The following CADPS2 variants were observed in gnomAD, a reference collection of about 807,000 sequenced individuals.
CADPS2 encodes calcium-dependent secretion activator 2.
CADPS2 carries 93 observed loss-of-function variants against 172.5 expected under a neutral mutation model. The ratio of observed to expected loss-of-function variants is 0.54; its 90% CI spans 0.46 to 0.64. The LOEUF (loss-of-function observed/expected upper bound fraction) is 0.64. Among genes scored for constraint, CADPS2 ranks in the 30% least tolerant of loss-of-function variants. The pLI is 0.00. For synonymous variants in CADPS2, 546 were observed against 555.2 expected (o/e 0.98, Z 0.23); for missense variants, 1,420 against 1,565.9 (o/e 0.91, Z 1.57).
chr7:122,386,308 A>C, intron 24 of CADPS2: 9 of 1,443,214 alleles, frequency 6.2e-6, no homozygotes, highest in Non-Finnish European at 8.3e-6. Context: ...TTGACTACCA[A>C]ACTGGATCAT....
chr7:122,866,843 C>T (rs971872928), intron 1 of CADPS2, among the ~76,000 whole-genome samples: 2 of 152,162 alleles, frequency 1.3e-5, no homozygotes, highest in African/African-American at 4.8e-5. Context: ...TCCCAGCACA[C>T]CTAAATTCCG....
chr7:122,795,384 T>C (rs1371653093), intron 1 of CADPS2, among the ~76,000 whole-genome samples: 2 of 152,138 alleles, frequency 1.3e-5, no homozygotes, highest in East Asian at 1.9e-4. Flanking sequence ...CCTGGACACA[T>C]ACACCCTCCC....
intron 8 of CADPS2, among the ~76,000 whole-genome samples, chr7:122,552,685 T>G (rs1404300080): frequency 1.3e-5 from 2 of 151,908 alleles, no homozygotes; most frequent in African/African-American, 2.4e-5. Context: ...TCTTTGTTCT[T>G]GAGACAAGCT....
chr7:122,425,789 C>T (rs61588302), intron 17 of CADPS2, among the ~76,000 whole-genome samples: 6,624 of 152,192 alleles, frequency 0.044, 341 homozygotes, highest in African/African-American at 0.12. Context: ...TACTGAATCA[C>T]ATAAAGTCTA....
chr7:122,776,614 G>A (rs989921380), intron 1 of CADPS2, among the ~76,000 whole-genome samples: 7 of 151,994 alleles, frequency 4.6e-5, no homozygotes, highest in African/African-American at 1.4e-4. Flanking sequence ...ACAGGAAAAT[G>A]TGGGAAAGTT....
At chr7:122,593,211 T>A (rs528403087) in intron 6 of CADPS2, among the ~76,000 whole-genome samples, 2 of 151,954 alleles carry the variant, frequency 1.3e-5, no homozygotes, top group Admixed American at 6.6e-5. Flanking sequence ...ACAAAAAAAA[T>A]TCTGCATGGC....
chr7:122,533,574 C>T (rs1351464425), intron 8 of CADPS2, among the ~76,000 whole-genome samples: 5 of 152,114 alleles, frequency 3.3e-5, no homozygotes, highest in Non-Finnish European at 5.9e-5. Context: ...AATGCATTTA[C>T]CTCTTTGTGT....
At chr7:122,622,778 G>A (rs1031823146) in intron 4 of CADPS2, among the ~76,000 whole-genome samples, 3 of 152,180 alleles carry the variant, frequency 2.0e-5, no homozygotes, top group Non-Finnish European at 4.4e-5. Flanking sequence ...GAATGCTCCA[G>A]AAAAGCACTG....
intron 7 of CADPS2, among the ~76,000 whole-genome samples, chr7:122,578,160 TACAC>T (rs1418367882): frequency 6.6e-6 from 1 of 151,582 alleles, no homozygotes; most frequent in Non-Finnish European, 1.5e-5. Context: ...TGTGTATATA[TACAC>T]ACATACATTA....
chr7:122,515,192 C>T (rs74835685), intron 8 of CADPS2, among the ~76,000 whole-genome samples: 2,640 of 152,202 alleles, frequency 0.017, 70 homozygotes, highest in African/African-American at 0.06. Context: ...TTTATGATAC[C>T]GTTAATTCAT....
intron 1 of CADPS2, among the ~76,000 whole-genome samples, chr7:122,876,365 TTTA>T (rs1443045531): frequency 3.3e-5 from 5 of 152,146 alleles, no homozygotes; most frequent in Non-Finnish European, 7.4e-5. Context: ...TAATTTTATA[TTTA>T]TTTTTTCTTT....
intron 12 of CADPS2, among the ~76,000 whole-genome samples, chr7:122,477,052 A>AAGAGAGAGAGAG (rs541881529): frequency 7.7e-5 from 2 of 26,008 alleles, no homozygotes; most frequent in African/African-American, 1.5e-4. Flanking sequence ...GGAGAGAGAG[A>AAGAGAGAGAGAG]AGAGAGAGAG....
chr7:122,565,348 T>C (rs764713268), intron 7 of CADPS2, among the ~76,000 whole-genome samples: 2 of 152,164 alleles, frequency 1.3e-5, no homozygotes, highest in African/African-American at 2.4e-5. Flanking sequence ...ATCTCTGCGA[T>C]ACATTTTCAT....
chr7:122,408,020 A>T (rs1383598290), intron 19 of CADPS2, among the ~76,000 whole-genome samples: 1 of 152,166 alleles, frequency 6.6e-6, no homozygotes, highest in African/African-American at 2.4e-5. Flanking sequence ...CATAATTTAA[A>T]CAAGTCTATT....
At position 122,393,659 on chromosome 7, in the gene CADPS2, C is replaced by T. The variant is rs953079994; in HGVS notation, c.2747-77G>A. 41 of 1,500,666 alleles carry T rather than the reference C, an allele frequency of 2.7e-5. No homozygotes were observed. In the East Asian group the frequency reaches 4.4e-4, roughly 16 times the overall value. 93.0% of individuals were successfully genotyped at this position (1,500,666 alleles called of 1,614,324 possible). The stretch of plus-strand genomic sequence containing the variant: ...TTGGAAAATATGGGCCAAAAAAACA[C>T]GTTTTCTGAGAGAGTCTGACACAGA... On this transcript the variant is annotated intron_variant, in intron 20 of 29. Transcript: ENST00000449022.
At chr7:122,452,448 T>A (rs556549596) in intron 14 of CADPS2, among the ~76,000 whole-genome samples, 2 of 152,256 alleles carry the variant, frequency 1.3e-5, no homozygotes, top group African/African-American at 4.8e-5. Context: ...CAGGCTGCAG[T>A]GCAATGGCAC....
rs1564124138 is a variant in CADPS2 at position 122,705,888 on chromosome 7, A to AATATAATATATATTATATTATATAAT, written c.453+31066_453+31067insATTATATAATATAATATATATTATAT. Among the ~76,000 whole-genome samples, 3 of 1,836 alleles carry AATATAATATATATTATATTATATAAT rather than the reference A, an allele frequency of 1.6e-3. 1 individual carries two copies. The highest frequency in any genetic ancestry group is 2.2e-3 in the Non-Finnish European group (2 of 896). 1.2% of individuals were successfully genotyped at this position (1,836 alleles called of 152,430 possible). On this transcript the variant is annotated intron_variant, in intron 2 of 29. Transcript: ENST00000449022. ...ATATTATATATAATATAATATAATA[A>AATATAATATATATTATATTATATAAT]ATATAATATAATATATAATATATTA...
At chr7:122,789,879 G>A (rs1303973278) in intron 1 of CADPS2, among the ~76,000 whole-genome samples, 2 of 151,730 alleles carry the variant, frequency 1.3e-5, no homozygotes, top group African/African-American at 4.8e-5. Flanking sequence ...TGCTGATCAG[G>A]GATACAAATA....
intron 4 of CADPS2, among the ~76,000 whole-genome samples, chr7:122,626,141 C>T (rs974182668): frequency 1.3e-5 from 2 of 152,088 alleles, no homozygotes; most frequent in African/African-American, 2.4e-5. Flanking sequence ...TAACAAAGAC[C>T]AGATCACACA....
Sources: allele counts gnomAD v4.1 joint callset (sites outside exome capture counted in the v4.1 genomes callset), GRCh38; gene constraint gnomAD v4.1.1; transcripts MANE v1.5; gene names NCBI Gene and HGNC (gene_info 2026-07-23, HGNC 2026-07-21).